The following FBXO15 variants were observed in gnomAD, a reference collection of about 807,000 sequenced individuals.
The protein encoded by FBXO15 is F-box only protein 15.
In FBXO15, 30 loss-of-function variants were observed where a neutral mutation model predicts 49.5. The ratio of observed to expected loss-of-function variants is 0.61; its 90% confidence interval spans 0.45 to 0.82. The LOEUF (loss-of-function observed/expected upper bound fraction) is 0.82. Among genes scored for constraint, FBXO15 ranks in the 40% least tolerant of loss-of-function variants. FBXO15 has a pLI of 0.00. For synonymous variants in FBXO15, 250 were observed against 232.7 expected, an observed-to-expected ratio of 1.07 and a Z score of -0.68; for missense variants, 591 against 631.5, an observed-to-expected ratio of 0.94 and a Z score of 0.69.
intron 8 of FBXO15, among the ~76,000 whole-genome samples, chr18:74,108,962 C>A (rs557909094): frequency 1.3e-5 from 2 of 152,078 alleles, no homozygotes; most frequent in Non-Finnish European, 1.5e-5. Context: ...CTCTACCCTG[C>A]AAAATTATCT....
chr18:74,146,309 GTCAA>G (rs1335704347), intron 1 of FBXO15, among the ~76,000 whole-genome samples: 1 of 152,152 alleles, frequency 6.6e-6, no homozygotes, highest in African/African-American at 2.4e-5. Flanking sequence ...TTTGACCATA[GTCAA>G]TCATTCTATT....
chr18:74,140,729 T>C (rs1269312144), intron 1 of FBXO15: 2 of 171,156 alleles, frequency 1.2e-5, no homozygotes, highest in Admixed American at 6.2e-5. Context: ...CTTACTCTGA[T>C]GTGCTTTCAC....
intron 8 of FBXO15, among the ~76,000 whole-genome samples, chr18:74,084,310 C>T (rs1279928137): frequency 6.6e-6 from 1 of 152,214 alleles, no homozygotes; most frequent in Non-Finnish European, 1.5e-5. Context: ...AAGCCGGTCA[C>T]TGGTGATGCA....
In FBXO15 at chr18:74,077,158, G is replaced by A. The variant is rs181554999; in HGVS notation, c.1264-3428C>T. On this transcript the variant is annotated intron_variant, in intron 9 of 9. Transcript: ENST00000419743. ...ACTTAGGCCAGCTTGGTTCAGCATC[G>A]TGCCCCTGGCCACCTGCATATGCAC... 3.0e-3 allele frequency among the ~76,000 whole-genome samples: 459 copies of A among 152,246 alleles called. 5 individuals are homozygous for A. Among genetic ancestry groups the A allele is most frequent in the East Asian group, 2.5e-3 (13 of 5,184 alleles).
intron 8 of FBXO15, among the ~76,000 whole-genome samples, chr18:74,110,381 A>G (rs768237846): frequency 5.3e-5 from 8 of 151,834 alleles, no homozygotes; most frequent in South Asian, 2.1e-4. Context: ...GGCAACCACT[A>G]TACAAGTTTA....
intron 8 of FBXO15, among the ~76,000 whole-genome samples, chr18:74,091,669 T>A (rs1472202290): frequency 6.6e-6 from 1 of 152,222 alleles, no homozygotes; most frequent in African/African-American, 2.4e-5. Context: ...GGATATCAAA[T>A]TCTTAGTTGA....
At chr18:74,140,375 C>T in intron 1 of FBXO15, 63 bp from the exon 2 acceptor site, 1 of 1,408,878 alleles carries the variant, frequency 7.1e-7, no homozygotes, top group East Asian at 2.6e-5. Context: ...TATCTATTCC[C>T]TTCTACAAAA....
At position 74,094,813 on chromosome 18, in the gene FBXO15, C is replaced by G. The variant is rs116547343; in HGVS notation, c.1139-12762G>C. On this transcript the variant is annotated intron_variant, in intron 8 of 9. Coordinates refer to ENST00000419743, the MANE Select transcript of FBXO15 (RefSeq NM_001142958.2). ...GTCCTTTGAAGCCAGGCAGTGACTTCTCTTCTCTAGCTATGAAAGTCCTCG... is the reference window on the plus strand; with the variant it reads ...GTCCTTTGAAGCCAGGCAGTGACTTGTCTTCTCTAGCTATGAAAGTCCTCG... 1.0e-2 allele frequency among the ~76,000 whole-genome samples: 1,519 copies of G among 152,310 alleles called. 34 individuals carry two copies. Among genetic ancestry groups the G allele is most frequent in the African/African-American group, 0.034 (1,432 of 41,556 alleles).
At chr18:74,086,543 T>G (rs1029522675) in intron 8 of FBXO15, among the ~76,000 whole-genome samples, 1 of 152,176 alleles carries the variant, frequency 6.6e-6, no homozygotes, top group Admixed American at 6.5e-5. Context: ...CCCAAGTAGC[T>G]GGGACTACAG....
chr18:74,128,448 CAG>C (rs1254680363), intron 5 of FBXO15, among the ~76,000 whole-genome samples: 1 of 151,972 alleles, frequency 6.6e-6, no homozygotes, highest in Non-Finnish European at 1.5e-5. Flanking sequence ...CAAGGACAGA[CAG>C]GAGAGAAACC....
chr18:74,078,334 C>G (rs1250027105), intron 9 of FBXO15, among the ~76,000 whole-genome samples: 1 of 149,192 alleles, frequency 6.7e-6, no homozygotes, highest in Non-Finnish European at 1.5e-5. Context: ...TCAAGGCCCC[C>G]CCCCGACCTG....
intron 1 of FBXO15, among the ~76,000 whole-genome samples, chr18:74,141,781 TA>T (rs1979092872): frequency 6.6e-6 from 1 of 152,176 alleles, no homozygotes; most frequent in South Asian, 2.1e-4. Context: ...GGTGACAGTG[TA>T]GCCTGGAGCC....
At chr18:74,115,054 G>T (rs1914169952) in intron 8 of FBXO15, among the ~76,000 whole-genome samples, 1 of 152,118 alleles carries the variant, frequency 6.6e-6, no homozygotes, top group Admixed American at 6.5e-5. Context: ...TGGAATTAGA[G>T]GACCTACGGT....
chr18:74,130,635 G>T lies in FBXO15; in HGVS notation c.356C>A (p.Ser119Ter). ...NDNFIWIGIY[S>*]TAFSPARSNW... ...TGATCTTGCAGGTGAAAAAGCAGTTGAGTAGATTCCGATCCAAATAAAACT... is the reference window on the plus strand; with the variant it reads ...TGATCTTGCAGGTGAAAAAGCAGTTTAGTAGATTCCGATCCAAATAAAACT... Residue 119 changes from serine (S) to a stop codon, truncating the protein, a stop_gained, in exon 4 of 10, where the codon TCA (serine) becomes TAA (stop). Transcript: ENST00000419743. LOFTEE classifies it high-confidence loss of function. 6.2e-7 allele frequency: 1 copy of T among 1,613,670 alleles called. No homozygotes were observed. Among genetic ancestry groups the T allele is most frequent in the South Asian group, 1.1e-5 (1 of 90,990 alleles).
rs138127886 is a variant in FBXO15, at chr18:74,081,946, A to C, written c.1244T>G (p.Ile415Ser). The C allele has an allele frequency of 7.1e-5, 114 of 1,612,478 alleles. No individual in the cohort carries two copies. The African/African-American group carries it at 1.4e-3, about 20-fold the overall frequency. ...GKVGLSWKTD[I>S]FDGCIKSCSM... ...TTTTACCTTTATACAGCCATCAAAA[A>C]TATCAGTTTTCCACGAGAGGCCAAC... The change falls in exon 9 of 10, where the codon ATT (isoleucine) becomes AGT (serine). Residue 415 changes from isoleucine to serine, a missense_variant. Transcript: ENST00000419743.
At chr18:74,077,048 C>T (rs1284812899) in intron 9 of FBXO15, among the ~76,000 whole-genome samples, 6 of 152,336 alleles carry the variant, frequency 3.9e-5, no homozygotes, top group Middle Eastern at 3.4e-3. Flanking sequence ...GTGTTGAATG[C>T]AGAACTTGAT....
At chr18:74,090,391 A>T (rs921825087) in intron 8 of FBXO15, among the ~76,000 whole-genome samples, 3 of 152,034 alleles carry the variant, frequency 2.0e-5, no homozygotes, top group African/African-American at 7.2e-5. Context: ...AATTTTTCAC[A>T]TCTCAATTTC....
At chr18:74,111,197 G>C (rs1257497999) in intron 8 of FBXO15, among the ~76,000 whole-genome samples, 1 of 149,330 alleles carries the variant, frequency 6.7e-6, no homozygotes, top group Non-Finnish European at 1.5e-5. Flanking sequence ...CAAGTGCGGT[G>C]CCTCACACCT....
At chr18:74,089,072 C>T (rs1009729706) in intron 8 of FBXO15, among the ~76,000 whole-genome samples, 1 of 152,140 alleles carries the variant, frequency 6.6e-6, no homozygotes, top group Non-Finnish European at 1.5e-5. Flanking sequence ...ACCTATCAAC[C>T]TATCACTTAG....
Sources: gnomAD v4.1 joint callset for allele counts (sites outside exome capture counted in the v4.1 genomes callset) on GRCh38, gnomAD v4.1.1 for gene constraint, MANE v1.5 for transcripts, NCBI Gene and HGNC (gene_info 2026-07-23, HGNC 2026-07-21) for gene names.